PDE4B: variants seen among roughly 807,000 people sequenced by gnomAD.
PDE4B encodes 3',5'-cyclic-AMP phosphodiesterase 4B.
In PDE4B, 20 loss-of-function variants were observed where a neutral mutation model predicts 82.2. The ratio of observed to expected loss-of-function variants is 0.24; its 90% CI spans 0.17 to 0.35. The LOEUF is 0.35. Among genes scored for constraint, PDE4B ranks in the 10% least tolerant of loss-of-function variants. PDE4B has a pLI of 1.00. For missense variants in PDE4B, 655 were observed against 907.2 expected, an observed-to-expected ratio of 0.72 and a Z score of 3.57; for synonymous variants, 320 against 318.9, an observed-to-expected ratio of 1.00 and a Z score of -0.04.
chr1:66,178,548 GTTTAAAT>G (rs1181891203), intron 3 of PDE4B, among the ~76,000 whole-genome samples: 1 of 152,052 alleles, frequency 6.6e-6, no homozygotes, highest in South Asian at 2.1e-4. Flanking sequence ...TAATGAATAT[GTTTAAAT>G]TTTCTTGTGG....
chr1:66,341,180 A>G (rs1660953943), intron 8 of PDE4B, among the ~76,000 whole-genome samples: 1 of 152,238 alleles, frequency 6.6e-6, no homozygotes, highest in South Asian at 2.1e-4. Context: ...TGTACTCCAA[A>G]TAACTTTGTA....
At chr1:66,066,017 C>A (rs920817310) in intron 3 of PDE4B, among the ~76,000 whole-genome samples, 8 of 151,758 alleles carry the variant, frequency 5.3e-5, no homozygotes, top group African/African-American at 1.7e-4. Context: ...AAACTTCATC[C>A]ATTTCCTGTT....
At chr1:65,955,554 A>G (rs1030506739) in intron 3 of PDE4B, among the ~76,000 whole-genome samples, 2 of 152,148 alleles carry the variant, frequency 1.3e-5, no homozygotes, top group Non-Finnish European at 2.9e-5. Context: ...AAGTCGCCCA[A>G]ATTTGCATGG....
At chr1:66,157,624 C>T (rs2101233721) in intron 3 of PDE4B, among the ~76,000 whole-genome samples, 2 of 152,220 alleles carry the variant, frequency 1.3e-5, no homozygotes, top group East Asian at 3.9e-4. Context: ...GCTTTTTGTC[C>T]CTTAACCCTC....
intron 7 of PDE4B, among the ~76,000 whole-genome samples, chr1:66,278,953 A>G (rs922275565): frequency 2.0e-5 from 3 of 152,084 alleles, no homozygotes; most frequent in Non-Finnish European, 2.9e-5. Context: ...TTTTGTCAAC[A>G]CAATGGGTCT....
chr1:65,921,706 A>G (rs1476626235), intron 3 of PDE4B, among the ~76,000 whole-genome samples: 1 of 152,214 alleles, frequency 6.6e-6, no homozygotes, highest in Admixed American at 6.5e-5. Flanking sequence ...GTTTACAAAA[A>G]CAAGCAGCAG....
In PDE4B at chr1:65,819,294, A is replaced by T. The variant is rs17128009; in HGVS notation, c.-71+26046A>T. Among the ~76,000 whole-genome samples, 967 of 152,264 alleles carry T rather than the reference A, an allele frequency of 6.4e-3. 5 individuals carry two copies. The highest frequency in any genetic ancestry group is 0.023 in the African/African-American group (941 of 41,560). ...ACCCAACTGTTTTGTCCACGATTAC[A>T]TATCCAATACCCTATGCCTGATTCA... On this transcript the variant is annotated intron_variant, in intron 1 of 16. Transcript: ENST00000341517.
intron 3 of PDE4B, among the ~76,000 whole-genome samples, chr1:66,008,319 CA>C (rs1047081507): frequency 4.6e-5 from 7 of 152,124 alleles, no homozygotes; most frequent in African/African-American, 1.7e-4. Context: ...ACCATTCATT[CA>C]CTCATTCATT....
At chr1:66,199,919 C>T (rs1029331310) in intron 3 of PDE4B, among the ~76,000 whole-genome samples, 1 of 152,062 alleles carries the variant, frequency 6.6e-6, no homozygotes, top group African/African-American at 2.4e-5. Flanking sequence ...AAGTCCTTGC[C>T]CAGGCCTATG....
chr1:66,141,212 G>A (rs1484850074), intron 3 of PDE4B, among the ~76,000 whole-genome samples: 1 of 151,180 alleles, frequency 6.6e-6, no homozygotes, highest in Non-Finnish European at 1.5e-5. Flanking sequence ...GAATACTAAG[G>A]TTACTAGGAC....
chr1:66,275,549 T>C (rs954168799), intron 7 of PDE4B, among the ~76,000 whole-genome samples: 2 of 152,128 alleles, frequency 1.3e-5, no homozygotes, highest in African/African-American at 4.8e-5. Context: ...GAGGTTGGAG[T>C]TAGCCTAGAG....
At position 66,109,264 on chromosome 1, in the gene PDE4B, A is replaced by G. The variant is rs192431801; in HGVS notation, c.282-138196A>G. On this transcript the variant is annotated intron_variant, in intron 3 of 16. Transcript: ENST00000341517. ...AGTAAGAATACAAATGTAGTTGGTG[A>G]TGATGAGATAATTCTTTGAGCAAAA... Among the ~76,000 whole-genome samples the G allele has an allele frequency of 2.0e-5, 3 of 152,124 alleles. No individual in the cohort carries two copies. The East Asian group carries it at 5.8e-4, about 29-fold the overall frequency.
rs527253334 is a variant in PDE4B, at chr1:65,831,948, T to C, written c.-71+38700T>C. Among the ~76,000 whole-genome samples, 24 of 152,286 alleles carry C rather than the reference T, an allele frequency of 1.6e-4. No homozygotes were observed. The South Asian group carries it at 2.3e-3, about 14-fold the overall frequency. ...TATATCGGGCTCTGGGGGTATCACTTAAACAATGACAGGAAGAAGAACTTC... is the reference window on the plus strand; with the variant it reads ...TATATCGGGCTCTGGGGGTATCACTCAAACAATGACAGGAAGAAGAACTTC... On this transcript the variant is annotated intron_variant, in intron 1 of 16. Coordinates refer to ENST00000341517, the MANE Select transcript of PDE4B (RefSeq NM_002600.4).
chr1:66,063,024 C>G (rs1655663386), intron 3 of PDE4B: 1 of 152,102 alleles, frequency 6.6e-6, no homozygotes, highest in East Asian at 1.9e-4. Flanking sequence ...GCTGGTGGTA[C>G]TGCTGGTACT....
At chr1:65,884,094 T>C (rs1646742053) in intron 1 of PDE4B, among the ~76,000 whole-genome samples, 1 of 152,168 alleles carries the variant, frequency 6.6e-6, no homozygotes, top group African/African-American at 2.4e-5. Context: ...TCAATGTTCA[T>C]CAAGGATATT....
intron 3 of PDE4B, among the ~76,000 whole-genome samples, chr1:66,096,508 T>TTATATA (rs4068855): frequency 0.011 from 1,192 of 107,166 alleles, 21 homozygotes; most frequent in Middle Eastern, 0.018. Flanking sequence ...GTAAAAAAAA[T>TTATATA]TATATATATA....
intron 3 of PDE4B, among the ~76,000 whole-genome samples, chr1:66,169,324 C>A (rs181996907): frequency 9.9e-5 from 15 of 152,128 alleles, no homozygotes; most frequent in Non-Finnish European, 2.2e-4. Flanking sequence ...CCTGGGCCAG[C>A]GGTGAAAGTT....
At chr1:66,313,129 T>A (rs1658785023) in intron 7 of PDE4B, among the ~76,000 whole-genome samples, 1 of 152,200 alleles carries the variant, frequency 6.6e-6, no homozygotes, top group Non-Finnish European at 1.5e-5. Flanking sequence ...GAGTGTTAAG[T>A]CTCTTTACTT....
intron 3 of PDE4B, among the ~76,000 whole-genome samples, chr1:66,066,277 C>T (rs1014940621): frequency 1.3e-5 from 2 of 151,744 alleles, no homozygotes; most frequent in Non-Finnish European, 2.9e-5. Flanking sequence ...TACCCGCAGC[C>T]TCCTCCATCC....
Sources: allele counts gnomAD v4.1 joint callset (sites outside exome capture counted in the v4.1 genomes callset), GRCh38; gene constraint gnomAD v4.1.1; transcripts MANE v1.5; gene names NCBI Gene and HGNC (gene_info 2026-07-23, HGNC 2026-07-21).